DDR2: variants seen among roughly 807,000 people sequenced by gnomAD.
DDR2 encodes the protein discoidin domain-containing receptor 2.
In DDR2, 27 loss-of-function variants were observed where a neutral mutation model predicts 94.9. That is an observed-to-expected ratio of 0.28 (90% CI 0.21 to 0.39). DDR2 has a LOEUF of 0.39. Among genes scored for constraint, DDR2 ranks in the 10% least tolerant of loss-of-function variants. The pLI is 1.00. For missense variants in DDR2, 783 were observed against 1,076.0 expected, an observed-to-expected ratio of 0.73 and a Z score of 3.81; for synonymous variants, 382 against 377.2, an observed-to-expected ratio of 1.01 and a Z score of -0.15.
intron 3 of DDR2, among the ~76,000 whole-genome samples, chr1:162,728,184 A>ATATATATAGATAGATATCTCTT (rs1558050040): frequency 2.3e-4 from 32 of 140,496 alleles, no homozygotes; most frequent in African/African-American, 8.0e-4. Context: ...ATATCTCTTT[A>ATATATATAGATAGATATCTCTT]TATATATATA....
intron 14 of DDR2, among the ~76,000 whole-genome samples, chr1:162,775,171 A>T (rs1346978323): frequency 6.6e-6 from 1 of 152,182 alleles, no homozygotes; most frequent in East Asian, 1.9e-4. Flanking sequence ...TCAGTATGAG[A>T]AAATAAAGAG....
intron 2 of DDR2, among the ~76,000 whole-genome samples, chr1:162,687,727 G>C (rs1659755035): frequency 6.6e-6 from 1 of 152,172 alleles, no homozygotes. Context: ...TGCTGCCTGA[G>C]CCAGGTTGGG....
At chr1:162,735,576 TG>T (rs1426228944) in intron 3 of DDR2, among the ~76,000 whole-genome samples, 2 of 152,188 alleles carry the variant, frequency 1.3e-5, no homozygotes. Flanking sequence ...CAGCTCTAAA[TG>T]GTAACTGAAA....
At chr1:162,742,993 T>G (rs980602044) in intron 3 of DDR2, among the ~76,000 whole-genome samples, 3 of 152,084 alleles carry the variant, frequency 2.0e-5, no homozygotes, top group African/African-American at 7.2e-5. Flanking sequence ...CCACAACATG[T>G]GGGAACTCTG....
intron 2 of DDR2, among the ~76,000 whole-genome samples, chr1:162,668,217 A>T (rs911655239): frequency 6.6e-6 from 1 of 152,238 alleles, no homozygotes; most frequent in African/African-American, 2.4e-5. Flanking sequence ...ATACAATTTT[A>T]TTGGAAAGCC....
chr1:162,639,831 G>A (rs961669588), intron 1 of DDR2, among the ~76,000 whole-genome samples: 1 of 152,164 alleles, frequency 6.6e-6, no homozygotes, highest in African/African-American at 2.4e-5. Flanking sequence ...AATTTCATTG[G>A]ACAAAACTAT....
intron 3 of DDR2, among the ~76,000 whole-genome samples, chr1:162,731,331 T>G (rs543423050): frequency 3.9e-5 from 6 of 152,356 alleles, no homozygotes; most frequent in African/African-American, 1.4e-4. Context: ...TCTTTCTGTA[T>G]TAACCTTAGC....
intron 3 of DDR2, among the ~76,000 whole-genome samples, chr1:162,742,476 G>T (rs759127562): frequency 6.6e-6 from 1 of 152,148 alleles, no homozygotes; most frequent in African/African-American, 2.4e-5. Context: ...TGGGGTGGCG[G>T]GGAAGGGACT....
At chr1:162,656,089 A>C (rs1215357785) in intron 2 of DDR2, among the ~76,000 whole-genome samples, 1 of 152,192 alleles carries the variant, frequency 6.6e-6, no homozygotes, top group Non-Finnish European at 1.5e-5. Flanking sequence ...GGGACTTCTC[A>C]GTTCATCCTT....
intron 1 of DDR2, among the ~76,000 whole-genome samples, chr1:162,650,039 A>G (rs1288213223): frequency 1.3e-5 from 2 of 152,090 alleles, no homozygotes; most frequent in South Asian, 2.1e-4. Context: ...CACCCACCCC[A>G]TGCAGATGAG....
intron 2 of DDR2, among the ~76,000 whole-genome samples, chr1:162,667,858 T>G (rs925845665): frequency 4.6e-5 from 7 of 152,214 alleles, no homozygotes; most frequent in African/African-American, 1.7e-4. Context: ...TCTTCCTCAA[T>G]TATCTGCAGG....
intron 2 of DDR2, among the ~76,000 whole-genome samples, chr1:162,693,192 T>A (rs1440625756): frequency 3.3e-5 from 5 of 152,216 alleles, no homozygotes; most frequent in Non-Finnish European, 7.3e-5. Flanking sequence ...CTGGGAGGGC[T>A]GTGTTGGGGG....
chr1:162,696,475 T>A (rs1660197563), intron 2 of DDR2, among the ~76,000 whole-genome samples: 1 of 151,670 alleles, frequency 6.6e-6, no homozygotes, highest in Admixed American at 6.6e-5. Flanking sequence ...CTCTTTCCCT[T>A]CTGTTTCCCT....
rs767799784 is a variant in DDR2, at chr1:162,776,229, A to G, written c.2142A>G (p.Arg714=). The G allele has an allele frequency of 1.2e-5, 20 of 1,613,896 alleles. No individual in the cohort carries two copies. In the Admixed American group the frequency reaches 3.3e-4, roughly 27 times the overall value. The change falls in exon 16 of 18, where the codon CGA becomes CGG. Residue 714 remains arginine (R), a synonymous_variant. Coordinates refer to ENST00000367921, the MANE Select transcript of DDR2 (RefSeq NM_006182.4). ...TTGTTCACCGAGATCTGGCCACACGAAACTGTTTAGTGGGTAAGAACTACA... is the reference window on the plus strand; with the variant it reads ...TTGTTCACCGAGATCTGGCCACACGGAACTGTTTAGTGGGTAAGAACTACA... ...LNFVHRDLAT[R]NCLVGKNYTI... is the part of the protein sequence containing the mutation.
intron 3 of DDR2, among the ~76,000 whole-genome samples, chr1:162,731,857 A>G (rs1225245308): frequency 6.6e-6 from 1 of 152,250 alleles, no homozygotes; most frequent in Non-Finnish European, 1.5e-5. Flanking sequence ...CAGAAGTGGC[A>G]GAGCCAAGTC....
intron 2 of DDR2, among the ~76,000 whole-genome samples, chr1:162,693,044 T>C (rs977010493): frequency 6.6e-6 from 1 of 152,208 alleles, no homozygotes; most frequent in Non-Finnish European, 1.5e-5. Context: ...ACAAACCTAA[T>C]TTTGAGCGAA....
chr1:162,723,672 T>C (rs1661524584), intron 3 of DDR2, among the ~76,000 whole-genome samples: 1 of 152,218 alleles, frequency 6.6e-6, no homozygotes, highest in Non-Finnish European at 1.5e-5. Flanking sequence ...TGACTTGGCC[T>C]GTGACAACTG....
In DDR2 at chr1:162,700,877, T is replaced by A. The variant is rs546030375; in HGVS notation, c.-27-18160T>A. On this transcript the variant is annotated intron_variant, in intron 2 of 17. Coordinates refer to ENST00000367921, the MANE Select transcript of DDR2 (RefSeq NM_006182.4). ...TACTGGTTGAGACAGAAAAGGAAAC[T>A]ATGTGCTGTGTGATTAAACCGGTGT... 2.6e-5 allele frequency among the ~76,000 whole-genome samples: 4 copies of A among 152,298 alleles called. No individual in the cohort carries two copies. In the East Asian group the frequency reaches 7.7e-4, roughly 29 times the overall value.
At chr1:162,731,816 G>C in intron 3 of DDR2, among the ~76,000 whole-genome samples, 1 of 152,324 alleles carries the variant, frequency 6.6e-6, no homozygotes, top group Non-Finnish European at 1.5e-5. Flanking sequence ...GTTCATAGAG[G>C]TTTGGTAACT....
Sources: gnomAD v4.1 joint callset for allele counts (sites outside exome capture counted in the v4.1 genomes callset) on GRCh38, gnomAD v4.1.1 for gene constraint, MANE v1.5 for transcripts, NCBI Gene and HGNC (gene_info 2026-07-23, HGNC 2026-07-21) for gene names.